Variants in OPN3 observed in about 807,000 individuals in gnomAD.
OPN3 encodes opsin 3, also known as opsin-3.
OPN3 carries 29 observed loss-of-function variants against 33.8 expected under a neutral mutation model. The observed-to-expected ratio is 0.86, with a 90% CI of 0.64 to 1.17. OPN3 has a LOEUF of 1.17. Among genes scored for constraint, OPN3 ranks in the 50% most tolerant of loss-of-function variants. The pLI, the probability that OPN3 is intolerant of heterozygous loss-of-function variation, is 0.00. For synonymous variants in OPN3, 216 were observed against 216.1 expected (o/e 1.00, Z 0.00); for missense variants, 437 against 514.1 (o/e 0.85, Z 1.45).
At chr1:241,613,223 G>A (rs1393324611) in intron 1 of OPN3, among the ~76,000 whole-genome samples, 2 of 151,980 alleles carry the variant, frequency 1.3e-5, no homozygotes, top group Admixed American at 6.6e-5. Context: ...TATGAGTCAG[G>A]GACTGTTCTA....
chr1:241,630,126 G>T (rs1018969567), intron 1 of OPN3: 1 of 151,956 alleles, frequency 6.6e-6, no homozygotes, highest in African/African-American at 2.4e-5. Flanking sequence ...ATAATTCTGT[G>T]AAGTATTTCT....
intron 1 of OPN3, chr1:241,631,741 AAT>A (rs1228562425): frequency 6.6e-6 from 1 of 152,036 alleles, no homozygotes; most frequent in African/African-American, 2.4e-5. Context: ...CATGCTCTAA[AAT>A]ATGTTTGTTT....
At chr1:241,602,577 T>C (rs1663704422) in intron 2 of OPN3, among the ~76,000 whole-genome samples, 2 of 152,148 alleles carry the variant, frequency 1.3e-5, no homozygotes, top group Admixed American at 6.5e-5. Context: ...TTGACTGTTA[T>C]CTCACTGTGT....
intron 1 of OPN3, among the ~76,000 whole-genome samples, chr1:241,617,532 C>G (rs1485537250): frequency 6.6e-6 from 1 of 152,146 alleles, no homozygotes; most frequent in African/African-American, 2.4e-5. Context: ...TTACAAAGCT[C>G]TCAAGGGAGC....
chr1:241,594,784 T>C, intron 3 of OPN3, 93 bp from the exon 4 acceptor site: 1 of 1,459,672 alleles, frequency 6.9e-7, no homozygotes, highest in African/African-American at 1.4e-5. Context: ...TGAATTTAAG[T>C]TGTTTTTTGT....
intron 1 of OPN3, chr1:241,634,032 C>T (rs751828104): frequency 2.5e-6 from 4 of 1,613,550 alleles, no homozygotes; most frequent in Admixed American, 1.7e-5. Flanking sequence ...CAGTCAGGCC[C>T]AGAGCAGACA....
Position 241,597,838 on chromosome 1 carries a change from G to A in OPN3, c.853C>T (p.Leu285=), listed in dbSNP as rs775385384. ...ACAATAGATATTGTTGGAGTGACCA[G>A]GTGACCATGACCATTAACCACCAAG... ...CFLVVNGHGH[L]VTPTISIVSY... The change falls in exon 3 of 4, where the codon CTG becomes TTG. Residue 285 remains leucine, a synonymous_variant. Transcript: ENST00000366554. 12 of 1,613,686 alleles carry A rather than the reference G, an allele frequency of 7.4e-6. No homozygotes were observed. The African/African-American group carries it at 1.6e-4, about 22-fold the overall frequency.
intron 1 of OPN3, among the ~76,000 whole-genome samples, chr1:241,639,594 C>A (rs1057243200): frequency 6.6e-6 from 1 of 151,180 alleles, no homozygotes; most frequent in African/African-American, 2.4e-5. Flanking sequence ...AGAAAGGAGG[C>A]GGGCCGGGGT....
At chr1:241,595,134 C>G (rs1164656556) in intron 3 of OPN3, 1 of 153,942 alleles carries the variant, frequency 6.5e-6, no homozygotes, top group African/African-American at 2.4e-5. Flanking sequence ...TTGCTAATGT[C>G]TCTTTAATTA....
rs1462182029 is a variant in OPN3 at position 241,593,867 on chromosome 1, G to T, written c.*561C>A. 6.5e-6 allele frequency: 1 copy of T among 153,648 alleles called. No homozygotes were observed. The highest frequency in any genetic ancestry group is 6.4e-5 in the Admixed American group (1 of 15,564). 9.5% of individuals were successfully genotyped at this position (153,648 alleles called of 1,614,324 possible). A position where few individuals can be genotyped will look rare whatever the true frequency, so the allele number is the denominator to read the frequency against. On this transcript the variant is annotated 3_prime_UTR_variant, in exon 4 of 4. Transcript: ENST00000366554. ...TGGTGCTGGTCTCCAGGCTGACAAG[G>T]ATTCAAAGTTGTCTCTGAAACTCCT... is the stretch of plus-strand genomic sequence containing the variant.
Position 241,633,867 on chromosome 1 carries a change from C to T in OPN3, c.373+6015G>A, listed in dbSNP as rs776566714. The T allele has an allele frequency of 1.1e-5, 17 of 1,613,744 alleles. No homozygotes were observed. Among genetic ancestry groups the T allele is most frequent in the Non-Finnish European group, 1.4e-5 (16 of 1,179,802 alleles). ...TCAGAGGATTCTAGTTTGGCCATTA[C>T]TACATTATTGGTTCCAGGAGCCTCT... is the stretch of plus-strand genomic sequence containing the variant. On this transcript the variant is annotated intron_variant, in intron 1 of 3. Transcript: ENST00000366554.
At chr1:241,605,760 C>G (rs189659306) in intron 1 of OPN3, among the ~76,000 whole-genome samples, 3 of 152,320 alleles carry the variant, frequency 2.0e-5, no homozygotes, top group Admixed American at 6.5e-5. Context: ...TGTACCAGAG[C>G]ATGGAGACGT....
chr1:241,605,272 A>C (rs1232238634), intron 1 of OPN3, among the ~76,000 whole-genome samples: 2 of 152,068 alleles, frequency 1.3e-5, no homozygotes, highest in Admixed American at 1.3e-4. Flanking sequence ...TGACTCAGCT[A>C]TTAGAGGTAA....
chr1:241,596,478 G>A (rs774336373), intron 3 of OPN3, among the ~76,000 whole-genome samples: 2 of 152,154 alleles, frequency 1.3e-5, no homozygotes, highest in Non-Finnish European at 1.5e-5. Context: ...AGGAGATTAA[G>A]GCAGGTGAAA....
intron 1 of OPN3, among the ~76,000 whole-genome samples, chr1:241,612,186 T>A (rs373289953): frequency 1.3e-5 from 2 of 152,212 alleles, no homozygotes; most frequent in Admixed American, 1.3e-4. Context: ...AATATCTGGA[T>A]GGACTGTGTT....
chr1:241,605,105 A>T (rs1253459301), intron 1 of OPN3, among the ~76,000 whole-genome samples: 3 of 151,984 alleles, frequency 2.0e-5, no homozygotes, highest in Non-Finnish European at 4.4e-5. Context: ...CATGCAGATT[A>T]AAAAAAGATT....
chr1:241,633,883 A>G, intron 1 of OPN3: 1 of 1,613,880 alleles, frequency 6.2e-7, no homozygotes, highest in Non-Finnish European at 8.5e-7. Flanking sequence ...TATTGGTTCC[A>G]GGAGCCTCTG....
rs961719547 is a variant in OPN3, at chr1:241,598,737, C to T, written c.694-740G>A. 2.0e-5 allele frequency among the ~76,000 whole-genome samples: 3 copies of T among 152,050 alleles called. No individual in the cohort carries two copies. The East Asian group carries it at 5.8e-4, about 29-fold the overall frequency. On this transcript the variant is annotated intron_variant, in intron 2 of 3. Coordinates refer to ENST00000366554, the MANE Select transcript of OPN3 (RefSeq NM_014322.3). ...AATATGTTTCTTTTTGCTGTTTCTC[C>T]TATTATTATATATGTGTCATAATAA...
At chr1:241,607,493 G>A (rs1663863224) in intron 1 of OPN3, among the ~76,000 whole-genome samples, 1 of 151,846 alleles carries the variant, frequency 6.6e-6, no homozygotes, top group Non-Finnish European at 1.5e-5. Flanking sequence ...CAGCCTGGGC[G>A]ATGGAGCAAG....
Sources: allele counts gnomAD v4.1 joint callset (sites outside exome capture counted in the v4.1 genomes callset), GRCh38; gene constraint gnomAD v4.1.1; transcripts MANE v1.5; gene names NCBI Gene and HGNC (gene_info 2026-07-23, HGNC 2026-07-21).